Variants in KIAA1549L observed in about 807,000 individuals in gnomAD.
KIAA1549L encodes the protein KIAA1549 like, also known as UPF0606 protein KIAA1549L.
Under a neutral mutation model 160.7 loss-of-function variants are expected in KIAA1549L, and 88 were observed. That is an observed-to-expected ratio of 0.55 (90% CI 0.46 to 0.65). The LOEUF is 0.65. Among genes scored for constraint, KIAA1549L ranks in the 30% least tolerant of loss-of-function variants. The pLI, the probability that KIAA1549L is intolerant of heterozygous loss-of-function variation, is 0.00. For missense variants in KIAA1549L, 2,258 were observed against 2,437.5 expected (o/e 0.93, Z 1.55); for synonymous variants, 950 against 976.7 (o/e 0.97, Z 0.51).
At chr11:33,528,495 G>T (rs974728520) in intron 1 of KIAA1549L, among the ~76,000 whole-genome samples, 2 of 152,192 alleles carry the variant, frequency 1.3e-5, no homozygotes, top group African/African-American at 2.4e-5. Flanking sequence ...CAGAGGAAAA[G>T]AAGTCATTGT....
chr11:33,499,679 C>T (rs2133084054), intron 1 of KIAA1549L, among the ~76,000 whole-genome samples: 1 of 152,290 alleles, frequency 6.6e-6, no homozygotes, highest in South Asian at 2.1e-4. Flanking sequence ...TTCCACGTCC[C>T]CTTCTTAGAT....
chr11:33,462,527 C>CT (rs1228059734), intron 1 of KIAA1549L, among the ~76,000 whole-genome samples: 12 of 152,124 alleles, frequency 7.9e-5, no homozygotes, highest in Admixed American at 5.2e-4. Context: ...CAACCTGTGT[C>CT]TATCTTTATT....
chr11:33,649,343 GAAA>G (rs545884059), intron 17 of KIAA1549L, among the ~76,000 whole-genome samples: 3 of 102,778 alleles, frequency 2.9e-5, no homozygotes, highest in Non-Finnish European at 1.9e-5. Flanking sequence ...CTCTACGGGG[GAAA>G]AAAAAAAAAA....
At chr11:33,635,488 G>A (rs72918743) in intron 16 of KIAA1549L, among the ~76,000 whole-genome samples, 5,088 of 152,252 alleles carry the variant, frequency 0.033, 194 homozygotes, top group East Asian at 0.19. Context: ...TTTGGAGAGA[G>A]GCTTCAAATT....
At chr11:33,587,610 C>T (rs984866349) in intron 11 of KIAA1549L, among the ~76,000 whole-genome samples, 2 of 152,204 alleles carry the variant, frequency 1.3e-5, no homozygotes, top group Non-Finnish European at 2.9e-5. Flanking sequence ...TTGTGATTAA[C>T]AACACAGGTG....
chr11:33,472,568 C>T lies in KIAA1549L; in HGVS notation c.239-69234C>T, dbSNP rs141293142. 5.3e-5 allele frequency among the ~76,000 whole-genome samples: 8 copies of T among 152,190 alleles called. No individual in the cohort carries two copies. The East Asian group carries it at 7.7e-4, about 15-fold the overall frequency. On this transcript the variant is annotated intron_variant, in intron 1 of 20. Transcript: ENST00000658780. ...AATATTGGAGTGTTCTAATACTAAGCGAGAAAGTCATTTGGGAAGACAGCC... is the reference window on the plus strand; with the variant it reads ...AATATTGGAGTGTTCTAATACTAAGTGAGAAAGTCATTTGGGAAGACAGCC...
At chr11:33,581,826 G>A (rs192770928) in intron 10 of KIAA1549L, among the ~76,000 whole-genome samples, 1 of 152,224 alleles carries the variant, frequency 6.6e-6, no homozygotes, top group East Asian at 1.9e-4. Flanking sequence ...ATGTGTCCAA[G>A]ATAAAATCTG....
chr11:33,512,313 A>C lies in KIAA1549L; in HGVS notation c.239-29489A>C, dbSNP rs1853244890. ...GGGTTCTGTTTTAAAAATAAACACA[A>C]TTAGCTTTTTAATTGGCTGACATTT... On this transcript the variant is annotated intron_variant, in intron 1 of 20. Coordinates refer to ENST00000658780, the MANE Select transcript of KIAA1549L (RefSeq NM_012194.3). Among the ~76,000 whole-genome samples, 3 of 152,208 alleles carry C rather than the reference A, an allele frequency of 2.0e-5. No individual in the cohort carries two copies. In the South Asian group the frequency reaches 6.2e-4, roughly 32 times the overall value.
intron 1 of KIAA1549L, among the ~76,000 whole-genome samples, chr11:33,462,461 T>C (rs535181341): frequency 1.3e-5 from 2 of 152,374 alleles, no homozygotes; most frequent in East Asian, 1.9e-4. Context: ...GATAAAAGTT[T>C]AGGTTCCTTG....
At chr11:33,551,488 C>T (rs1464867069) in intron 5 of KIAA1549L, among the ~76,000 whole-genome samples, 1 of 151,950 alleles carries the variant, frequency 6.6e-6, no homozygotes, top group Non-Finnish European at 1.5e-5. Flanking sequence ...CCTTCCTTCC[C>T]AATTTACAAA....
rs747665584 is a variant in KIAA1549L, at chr11:33,456,222, C to T, written c.238+79333C>T. ...TTTCTCAGTCTTACAGAACTCCAAT[C>T]GATGACCTAATTAATTTTTCCCCCT... is the stretch of plus-strand genomic sequence containing the variant. On this transcript the variant is annotated intron_variant, in intron 1 of 20. Transcript: ENST00000658780. Among the ~76,000 whole-genome samples, 4 of 152,252 alleles carry T rather than the reference C, an allele frequency of 2.6e-5. No homozygotes were observed. The East Asian group carries it at 7.7e-4, about 29-fold the overall frequency.
chr11:33,484,728 G>T (rs183839050), intron 1 of KIAA1549L, among the ~76,000 whole-genome samples: 19 of 152,298 alleles, frequency 1.2e-4, no homozygotes, highest in Middle Eastern at 6.8e-3. Flanking sequence ...CCATGGTTGT[G>T]TATGTTCTCC....
chr11:33,560,099 A>C (rs1373476005), intron 7 of KIAA1549L, among the ~76,000 whole-genome samples, 188 bp downstream of exon 7: 1 of 152,226 alleles, frequency 6.6e-6, no homozygotes, highest in African/African-American at 2.4e-5. Flanking sequence ...GACAGCTAAA[A>C]TATGTGATGG....
intron 16 of KIAA1549L, among the ~76,000 whole-genome samples, chr11:33,643,103 A>G (rs575744706): frequency 2.0e-4 from 31 of 152,136 alleles, no homozygotes; most frequent in South Asian, 4.1e-4. Flanking sequence ...TGTGGAGAGT[A>G]TACTTGGACC....
At chr11:33,477,441 TTAATG>T (rs1459423274) in intron 1 of KIAA1549L, among the ~76,000 whole-genome samples, 1 of 151,994 alleles carries the variant, frequency 6.6e-6, no homozygotes, top group African/African-American at 2.4e-5. Flanking sequence ...TGTAAGATAT[TTAATG>T]TAGGGTTTTT....
At chr11:33,430,985 C>T (rs1264645934) in intron 1 of KIAA1549L, among the ~76,000 whole-genome samples, 1 of 151,896 alleles carries the variant, frequency 6.6e-6, no homozygotes, top group Non-Finnish European at 1.5e-5. Context: ...GGAGTTTGTT[C>T]CTTCTGATGT....
At chr11:33,503,650 G>A (rs1312434535) in intron 1 of KIAA1549L, among the ~76,000 whole-genome samples, 1 of 152,156 alleles carries the variant, frequency 6.6e-6, no homozygotes, top group Non-Finnish European at 1.5e-5. Context: ...AACCTTTGGT[G>A]ATATTCCCAT....
intron 1 of KIAA1549L, among the ~76,000 whole-genome samples, chr11:33,489,937 C>T (rs1852619547): frequency 1.3e-5 from 2 of 152,146 alleles, no homozygotes; most frequent in Non-Finnish European, 2.9e-5. Flanking sequence ...AATGTATAAC[C>T]ATTATCTCAA....
intron 9 of KIAA1549L, 49 bp from the exon 10 acceptor site, chr11:33,574,653 G>T (rs1412038507): frequency 6.4e-7 from 1 of 1,551,940 alleles, no homozygotes; most frequent in Admixed American, 1.8e-5. Flanking sequence ...GTGATTGCAG[G>T]GTCCATGCAA....
Sources: allele counts gnomAD v4.1 joint callset (sites outside exome capture counted in the v4.1 genomes callset), GRCh38; gene constraint gnomAD v4.1.1; transcripts MANE v1.5; gene names NCBI Gene and HGNC (gene_info 2026-07-23, HGNC 2026-07-21).